Variants in ZNF169 observed in about 807,000 individuals in gnomAD.
ZNF169 encodes zinc finger protein 169.
In ZNF169, 11 loss-of-function variants were observed where a neutral mutation model predicts 12.0. That is an observed-to-expected ratio of 0.92 (90% confidence interval 0.58 to 1.52). The LOEUF is 1.52. Among genes scored for constraint, ZNF169 ranks in the 40% most tolerant of loss-of-function variants. The pLI is 0.00. For missense variants in ZNF169, 722 were observed against 744.0 expected (o/e 0.97, Z 0.34); for synonymous variants, 302 against 286.5 (o/e 1.05, Z -0.55).
intron 4 of ZNF169, chr9:94,296,763 T>G (rs906436354): frequency 6.6e-6 from 3 of 456,910 alleles, no homozygotes; most frequent in African/African-American, 6.0e-5. Context: ...TACTGTAGCT[T>G]TATTAGGTCT....
At chr9:94,263,986 G>C (rs191771771) in intron 1 of ZNF169, among the ~76,000 whole-genome samples, 1 of 151,824 alleles carries the variant, frequency 6.6e-6, no homozygotes, top group Non-Finnish European at 1.5e-5. Context: ...ATGTAATGTC[G>C]AACAACTTCA....
chr9:94,260,914 GGGT>G (rs1241968046), intron 1 of ZNF169, among the ~76,000 whole-genome samples: 1 of 147,922 alleles, frequency 6.8e-6, no homozygotes, highest in Non-Finnish European at 1.5e-5. Flanking sequence ...ACGGCCTCCC[GGGT>G]TCAAGCAATT....
At position 94,261,856 on chromosome 9, in the gene ZNF169, A is replaced by G. The variant is rs1024092935; in HGVS notation, c.-56+2511A>G. 5.9e-5 allele frequency among the ~76,000 whole-genome samples: 9 copies of G among 152,356 alleles called. No homozygotes were observed. In the East Asian group the frequency reaches 1.3e-3, roughly 23 times the overall value. On this transcript the variant is annotated intron_variant, in intron 1 of 4. Transcript: ENST00000395395. ...AAAAACCACAATTACTTTTGCACCA[A>G]TCTAATACTTCAGTGTTCAGTATGC...
At chr9:94,276,153 A>C (rs1280506003) in intron 1 of ZNF169, among the ~76,000 whole-genome samples, 2 of 152,200 alleles carry the variant, frequency 1.3e-5, no homozygotes, top group Non-Finnish European at 2.9e-5. Flanking sequence ...ACCTAAACTT[A>C]ATACAATTTA....
chr9:94,273,370 A>AT (rs1554713800), intron 1 of ZNF169, among the ~76,000 whole-genome samples: 10 of 149,772 alleles, frequency 6.7e-5, no homozygotes, highest in African/African-American at 2.5e-4. Context: ...AGCAATTTTA[A>AT]TTTTTTTTGC....
intron 4 of ZNF169, among the ~76,000 whole-genome samples, chr9:94,296,202 C>T (rs1282754971): frequency 6.6e-6 from 1 of 152,118 alleles, no homozygotes; most frequent in East Asian, 1.9e-4. Flanking sequence ...ACATCTTTTG[C>T]CCATTTAAAA....
At chr9:94,283,929 G>A (rs1017203116) in intron 2 of ZNF169, among the ~76,000 whole-genome samples, 33 of 151,496 alleles carry the variant, frequency 2.2e-4, no homozygotes, top group Non-Finnish European at 2.9e-4. Flanking sequence ...AAAATTAGCC[G>A]GGCATGGTGG....
Position 94,300,869 on chromosome 9 carries a change from G to A in ZNF169, c.1311G>A (p.Arg437=). The change falls in exon 5 of 5, where the codon CGG becomes CGA. Residue 437 remains arginine (R), a synonymous_variant. Coordinates refer to ENST00000395395, the MANE Select transcript of ZNF169 (RefSeq NM_194320.4). ...EKPYLCPQCG[R]GFSQKVTLIG... ...CTTACCTGTGCCCCCAGTGTGGGCG[G>A]GGTTTTAGCCAGAAGGTCACCCTCA... The A allele has an allele frequency of 6.3e-7, 1 of 1,598,036 alleles. No homozygotes were observed. Among genetic ancestry groups the A allele is most frequent in the Non-Finnish European group, 8.5e-7 (1 of 1,174,090 alleles).
At chr9:94,274,371 C>A (rs1830484762) in intron 1 of ZNF169, among the ~76,000 whole-genome samples, 1 of 152,124 alleles carries the variant, frequency 6.6e-6, no homozygotes, top group Non-Finnish European at 1.5e-5. Flanking sequence ...ATTAGAATCA[C>A]CGAGTTCAAA....
intron 1 of ZNF169, among the ~76,000 whole-genome samples, chr9:94,265,011 T>C (rs971999312): frequency 6.8e-6 from 1 of 146,410 alleles, no homozygotes; most frequent in Non-Finnish European, 1.5e-5. Flanking sequence ...TATATCTCTT[T>C]CTGTACCCTG....
chr9:94,287,509 C>T (rs538347523), intron 2 of ZNF169, among the ~76,000 whole-genome samples: 4 of 152,026 alleles, frequency 2.6e-5, no homozygotes, highest in Non-Finnish European at 4.4e-5. Context: ...GGACTACAGG[C>T]GCCCGCCACC....
chr9:94,268,721 G>A (rs943286807), intron 1 of ZNF169, among the ~76,000 whole-genome samples: 4 of 146,214 alleles, frequency 2.7e-5, no homozygotes, highest in Non-Finnish European at 6.0e-5. Flanking sequence ...GGGAGGCAGG[G>A]GTTACAATGA....
At chr9:94,275,557 G>A (rs557981707) in intron 1 of ZNF169, among the ~76,000 whole-genome samples, 45 of 152,248 alleles carry the variant, frequency 3.0e-4, no homozygotes, top group African/African-American at 8.9e-4. Flanking sequence ...TGAGTGAGGT[G>A]TAATAAATTT....
chr9:94,266,803 G>A (rs1830300536), intron 1 of ZNF169, among the ~76,000 whole-genome samples: 1 of 151,954 alleles, frequency 6.6e-6, no homozygotes, highest in Non-Finnish European at 1.5e-5. Flanking sequence ...TCTCTTTCCA[G>A]TTTCCCATTT....
chr9:94,299,866 G>A lies in ZNF169; in HGVS notation c.308G>A (p.Ser103Asn). ...TTTCCCCACCTGGTGGCCTTTTCTAGCTCGCAGCTCCTCAGACAATATGCG... is the reference window on the plus strand; with the variant it reads ...TTTCCCCACCTGGTGGCCTTTTCTAACTCGCAGCTCCTCAGACAATATGCG... ...PSFPHLVAFS[S>N]SQLLRQYALS... The change falls in exon 5 of 5, where the codon AGC (serine) becomes AAC (asparagine). Residue 103 changes from serine to asparagine, a missense_variant. Transcript: ENST00000395395. 6.2e-7 allele frequency: 1 copy of A among 1,614,094 alleles called. No individual in the cohort carries two copies. Among genetic ancestry groups the A allele is most frequent in the Non-Finnish European group, 8.5e-7 (1 of 1,180,020 alleles).
Position 94,285,638 on chromosome 9 carries a change from C to G in ZNF169, c.34-6703C>G, listed in dbSNP as rs542493677. Among the ~76,000 whole-genome samples the G allele has an allele frequency of 1.6e-4, 24 of 152,178 alleles. No individual in the cohort carries two copies. In the East Asian group the frequency reaches 2.3e-3, roughly 15 times the overall value. ...TTCTGAAGACTAAAGATGAAAAAAT[C>G]ATCCCGAAAGCAGCCAGATAAAAAT... On this transcript the variant is annotated intron_variant, in intron 2 of 4. Transcript: ENST00000395395.
intron 2 of ZNF169, among the ~76,000 whole-genome samples, chr9:94,287,352 C>G (rs559491237): frequency 7.0e-6 from 1 of 143,226 alleles, no homozygotes; most frequent in African/African-American, 2.5e-5. Flanking sequence ...TGCTATACTG[C>G]AAAATTGTTT....
At chr9:94,274,585 T>C (rs1175176941) in intron 1 of ZNF169, among the ~76,000 whole-genome samples, 2 of 152,142 alleles carry the variant, frequency 1.3e-5, no homozygotes, top group Non-Finnish European at 2.9e-5. Flanking sequence ...AAGTTGAAAA[T>C]ATTGTTTAGG....
chr9:94,301,581 A>G lies in ZNF169; in HGVS notation c.*211A>G, dbSNP rs189395526. ...AGGCTGGGTGATTTTGACAACGGAA[A>G]TATATTTTCATATTTATGGAGGCTG... On this transcript the variant is annotated 3_prime_UTR_variant, in exon 5 of 5. Transcript: ENST00000395395. 1.7e-4 allele frequency: 142 copies of G among 850,678 alleles called. No individual in the cohort carries two copies. The African/African-American group carries it at 1.8e-3, about 11-fold the overall frequency. The allele number at this position is 850,678 out of a possible 1,614,324, so 52.7% of individuals were successfully genotyped here.
Sources: allele counts gnomAD v4.1 joint callset (sites outside exome capture counted in the v4.1 genomes callset), GRCh38; gene constraint gnomAD v4.1.1; transcripts MANE v1.5; gene names NCBI Gene and HGNC (gene_info 2026-07-23, HGNC 2026-07-21).